The following COL24A1 variants were observed in gnomAD, a reference collection of about 807,000 sequenced individuals.
COL24A1 encodes collagen alpha-1(XXIV) chain.
In COL24A1, 224 loss-of-function variants were observed where a neutral mutation model predicts 253.9. The observed-to-expected ratio is 0.88, with a 90% CI of 0.79 to 0.99. The LOEUF (loss-of-function observed/expected upper bound fraction) is 0.99, where lower values mean the gene tolerates loss of function less well. COL24A1 is among the 50% of genes least tolerant of loss of function. The pLI is 0.00. For synonymous variants in COL24A1, 685 were observed against 673.7 expected (o/e 1.02, Z -0.26); for missense variants, 2,131 against 2,068.5 (o/e 1.03, Z -0.59).
chr1:85,772,568 G>C lies in COL24A1; in HGVS notation c.4374+3106C>G, dbSNP rs147272943. On this transcript the variant is annotated intron_variant, in intron 53 of 59. Transcript: ENST00000370571. The stretch of plus-strand genomic sequence containing the variant: ...CTTTTTAATGATCGCCATTCTAACT[G>C]GTGTGAGATGGTGTCTCATTGTGGT... 9.3e-3 allele frequency among the ~76,000 whole-genome samples: 1,422 copies of C among 152,108 alleles called. 58 individuals are homozygous for C. The highest frequency in any genetic ancestry group is 0.064 in the Admixed American group (972 of 15,290).
At chr1:86,101,319 T>C (rs142843237) in intron 5 of COL24A1, among the ~76,000 whole-genome samples, 1 of 152,300 alleles carries the variant, frequency 6.6e-6, no homozygotes, top group African/African-American at 2.4e-5. Context: ...TATAGAATCA[T>C]ATTGTCTGCA....
chr1:86,068,530 A>G (rs1397164344), intron 7 of COL24A1, among the ~76,000 whole-genome samples: 2 of 152,166 alleles, frequency 1.3e-5, no homozygotes. Flanking sequence ...GGTAAACTTC[A>G]AAGGCTGTCT....
At chr1:86,010,820 A>C (rs941228511) in intron 19 of COL24A1, among the ~76,000 whole-genome samples, 1 of 152,184 alleles carries the variant, frequency 6.6e-6, no homozygotes, top group Non-Finnish European at 1.5e-5. Flanking sequence ...TTTTTAAATA[A>C]AAAAAGCAGA....
chr1:85,801,399 G>A (rs892088119), intron 47 of COL24A1, among the ~76,000 whole-genome samples: 1 of 152,204 alleles, frequency 6.6e-6, no homozygotes, highest in Non-Finnish European at 1.5e-5. Flanking sequence ...ATATTGAAAA[G>A]TGAGAGGAGA....
Position 86,059,189 on chromosome 1 carries a change from A to G in COL24A1, c.1753-15T>C, listed in dbSNP as rs753328207. On this transcript the variant is annotated splice_polypyrimidine_tract_variant and intron_variant, in intron 8 of 59. Coordinates refer to ENST00000370571, the MANE Select transcript of COL24A1 (RefSeq NM_152890.7). ...CCTGGAATTCCCTGAAATAATAAAT[A>G]AAATGAACAGTATAGCAAAGCCAAA... 1 of 1,601,372 alleles carries G rather than the reference A, an allele frequency of 6.2e-7. No individual in the cohort carries two copies. Among genetic ancestry groups the G allele is most frequent in the Non-Finnish European group, 8.5e-7 (1 of 1,170,370 alleles).
intron 2 of COL24A1, among the ~76,000 whole-genome samples, chr1:86,135,817 T>G (rs1202470726): frequency 1.3e-5 from 2 of 152,066 alleles, no homozygotes; most frequent in Admixed American, 6.6e-5. Flanking sequence ...TTTTTTTGTG[T>G]GTACATTCTC....
chr1:86,070,434 G>A (rs1286477970), intron 7 of COL24A1, among the ~76,000 whole-genome samples: 1 of 152,158 alleles, frequency 6.6e-6, no homozygotes, highest in Non-Finnish European at 1.5e-5. Flanking sequence ...GATAATATCA[G>A]AGAACTCCCC....
chr1:85,879,562 T>C (rs763206223), intron 32 of COL24A1, among the ~76,000 whole-genome samples: 1 of 152,174 alleles, frequency 6.6e-6, no homozygotes, highest in Non-Finnish European at 1.5e-5. Context: ...AGTACAACTT[T>C]TGACTCCTCC....
At chr1:85,826,873 A>G (rs1159328132) in intron 43 of COL24A1, among the ~76,000 whole-genome samples, 1 of 152,228 alleles carries the variant, frequency 6.6e-6, no homozygotes, top group African/African-American at 2.4e-5. Flanking sequence ...ATCTGCAAAG[A>G]GGGACAATTT....
At position 86,155,241 on chromosome 1, in the gene COL24A1, G is replaced by C. The variant is rs1048099093; in HGVS notation, c.56+1100C>G. ...TTCCAGGGGTCGGAAGAGAGCGCGC[G>C]CGCGAGCCCCAGCCAGGCTGGGCTG... is the stretch of plus-strand genomic sequence containing the variant. On this transcript the variant is annotated intron_variant, in intron 1 of 59. Coordinates refer to ENST00000370571, the MANE Select transcript of COL24A1 (RefSeq NM_152890.7). 2.0e-5 allele frequency: 3 copies of C among 151,992 alleles called. No individual in the cohort carries two copies. In the East Asian group the frequency reaches 5.9e-4, roughly 30 times the overall value. 9.4% of individuals were successfully genotyped at this position (151,992 alleles called of 1,614,324 possible). A position where few individuals can be genotyped will look rare whatever the true frequency, so the allele number is the denominator to read the frequency against.
Position 86,126,057 on chromosome 1 carries a change from A to C in COL24A1, c.279T>G (p.Pro93=), listed in dbSNP as rs201689384. 44 of 1,613,624 alleles carry C rather than the reference A, an allele frequency of 2.7e-5. No homozygotes were observed. The highest frequency in any genetic ancestry group is 3.6e-5 in the Non-Finnish European group (43 of 1,179,778). Reference sequence around the variant, plus strand: ...AGTTGACTGGTAAAATTTTCACGAAAGGTGTCTCGATATAAGCATCATTTT... The same window carrying C: ...AGTTGACTGGTAAAATTTTCACGAACGGTGTCTCGATATAAGCATCATTTT... The part of the protein sequence containing the change: ...IFKNDAYIET[P]FVKILPVNLG... The change falls in exon 3 of 60, where the codon CCT becomes CCG. Residue 93 remains proline (P), a synonymous_variant. Coordinates refer to ENST00000370571, the MANE Select transcript of COL24A1 (RefSeq NM_152890.7).
At chr1:85,914,304 ATGTGTGTGTGTGTGTGTG>A (rs71078628) in intron 24 of COL24A1, among the ~76,000 whole-genome samples, 1 of 139,190 alleles carries the variant, frequency 7.2e-6, no homozygotes, top group African/African-American at 2.7e-5. Context: ...TTTGTCATGA[ATGTGTGTGTGTGTGTGTG>A]TGTGTGTGTG....
chr1:85,809,056 G>T (rs1366043764), intron 47 of COL24A1, among the ~76,000 whole-genome samples: 1 of 152,094 alleles, frequency 6.6e-6, no homozygotes, highest in Non-Finnish European at 1.5e-5. Context: ...AGTCAGAAAG[G>T]TATCTCAAAA....
intron 31 of COL24A1, among the ~76,000 whole-genome samples, chr1:85,893,464 AGACT>A (rs1683337919): frequency 6.6e-6 from 1 of 152,140 alleles, no homozygotes; most frequent in African/African-American, 2.4e-5. Context: ...ACAAACTGAT[AGACT>A]ATCTAGATAA....
chr1:85,858,665 T>G (rs143467468), intron 37 of COL24A1, among the ~76,000 whole-genome samples: 1 of 147,682 alleles, frequency 6.8e-6, no homozygotes, highest in African/African-American at 2.6e-5. Context: ...CCTTCCTTCC[T>G]TCCTTCCTTC....
intron 5 of COL24A1, among the ~76,000 whole-genome samples, chr1:86,100,003 A>G (rs1237606236): frequency 6.6e-6 from 1 of 152,178 alleles, no homozygotes; most frequent in African/African-American, 2.4e-5. Context: ...AGGATTATAA[A>G]TCATGCTGCT....
chr1:86,055,646 A>G (rs548889345), intron 10 of COL24A1, among the ~76,000 whole-genome samples: 1 of 152,342 alleles, frequency 6.6e-6, no homozygotes, highest in South Asian at 2.1e-4. Context: ...AATAATAATT[A>G]TAGAATCTAT....
intron 19 of COL24A1, among the ~76,000 whole-genome samples, chr1:85,998,896 A>T (rs539754662): frequency 1.3e-5 from 2 of 152,106 alleles, no homozygotes; most frequent in African/African-American, 4.8e-5. Flanking sequence ...AAAAGTTGAC[A>T]CTCTGGAAAG....
intron 22 of COL24A1, among the ~76,000 whole-genome samples, chr1:85,969,917 G>C (rs1006536523): frequency 7.9e-5 from 12 of 151,996 alleles, no homozygotes; most frequent in African/African-American, 9.7e-5. Context: ...GGAAATCTCA[G>C]AATATTACTA....
Sources: allele counts gnomAD v4.1 joint callset (sites outside exome capture counted in the v4.1 genomes callset), GRCh38; gene constraint gnomAD v4.1.1; transcripts MANE v1.5; gene names NCBI Gene and HGNC (gene_info 2026-07-23, HGNC 2026-07-21).